The following ZNF534 variants were observed in gnomAD, a reference collection of about 807,000 sequenced individuals.
ZNF534 encodes KRAB domain only 3.
ZNF534 carries 19 observed loss-of-function variants against 13.6 expected under a neutral mutation model. The ratio of observed to expected loss-of-function variants is 1.40; its 90% confidence interval spans 0.97 to 2.05. The LOEUF (loss-of-function observed/expected upper bound fraction) is 2.05, where lower values mean the gene tolerates loss of function less well. ZNF534 is among the 30% of genes most tolerant of loss of function. ZNF534 has a pLI of 0.00. For missense variants in ZNF534, 782 were observed against 796.3 expected (o/e 0.98, Z 0.22); for synonymous variants, 244 against 273.8 (o/e 0.89, Z 1.07).
At chr19:52,451,444 G>T in exon 5 of ZNF534, 1 of 616,604 alleles carries the variant, frequency 1.6e-6, no homozygotes, top group South Asian at 1.9e-5. Context: ...GGCGCCGCAC[G>T]CCCCGGACGC....
At chr19:52,431,741 G>T (rs1056398554) in intron 2 of ZNF534, among the ~76,000 whole-genome samples, 7 of 152,106 alleles carry the variant, frequency 4.6e-5, no homozygotes, top group Non-Finnish European at 1.5e-5. Flanking sequence ...ATGGAGATGG[G>T]GTGTGGGCCT....
At chr19:52,429,801 G>A (rs2059075031) in intron 1 of ZNF534, among the ~76,000 whole-genome samples, 1 of 151,808 alleles carries the variant, frequency 6.6e-6, no homozygotes, top group Admixed American at 6.6e-5. Flanking sequence ...CACCATGTTG[G>A]CCAGGCTGGT....
At chr19:52,433,522 G>A (rs528872506) in intron 2 of ZNF534, among the ~76,000 whole-genome samples, 24 of 151,932 alleles carry the variant, frequency 1.6e-4, no homozygotes, top group South Asian at 8.3e-4. Context: ...CCCCACCACC[G>A]CGCCTGGCTA....
chr19:52,434,244 C>G (rs1351146077), intron 3 of ZNF534, 163 bp downstream of exon 3: 13 of 1,043,990 alleles, frequency 1.2e-5, no homozygotes, highest in Non-Finnish European at 1.6e-5. Context: ...GCCTGTAATC[C>G]CAGCACTTTG....
In ZNF534 at chr19:52,433,849, G is replaced by T. The variant is rs763170191; in HGVS notation, c.16-106G>T. The T allele has an allele frequency of 1.9e-5, 25 of 1,284,636 alleles. No homozygotes were observed. In the African/African-American group the frequency reaches 2.9e-4, roughly 15 times the overall value. The allele number at this position is 1,284,636 out of a possible 1,614,324, so 79.6% of individuals were successfully genotyped here. A position where few individuals can be genotyped will look rare whatever the true frequency, so the allele number is the denominator to read the frequency against. On this transcript the variant is annotated intron_variant, in intron 2 of 4. Transcript: ENST00000433050. ...AAGAATCCTTTAATGTGGATTTGGC[G>T]CAGTGCTCGCTTCAGTGGAGTGAGT...
At chr19:52,435,290 G>C in intron 4 of ZNF534, 81 bp downstream of exon 4, 2 of 1,442,546 alleles carry the variant, frequency 1.4e-6, no homozygotes, top group Non-Finnish European at 1.9e-6. Context: ...CCAGGCTGGA[G>C]TACAGTGGCA....
At chr19:52,442,632 A>G (rs2059180357), downstream of ZNF534, among the ~76,000 whole-genome samples, 1 of 152,160 alleles carries the variant, frequency 6.6e-6, no homozygotes, top group African/African-American at 2.4e-5. Context: ...CTCAGCAGAA[A>G]GCTACTTTCC....
At chr19:52,446,693 A>G (rs2059195666), downstream of ZNF534, among the ~76,000 whole-genome samples, 1 of 152,156 alleles carries the variant, frequency 6.6e-6, no homozygotes, top group Admixed American at 6.5e-5. Context: ...CCTCATCTCT[A>G]CTAAAAATTA....
downstream of ZNF534, among the ~76,000 whole-genome samples, chr19:52,445,061 A>T (rs2122720482): frequency 6.6e-6 from 1 of 152,246 alleles, no homozygotes; most frequent in Non-Finnish European, 1.5e-5. Flanking sequence ...GTTCAACTGG[A>T]GGTTTCCTTC....
rs143033844 is a variant in ZNF534, at chr19:52,436,438, G to C, written c.271+1229G>C. ...TTATGTCCCTGTGTGAATGTCTTTGGGCTAATTTTAGTAATGGTCAAGCTT... is the reference window on the plus strand; with the variant it reads ...TTATGTCCCTGTGTGAATGTCTTTGCGCTAATTTTAGTAATGGTCAAGCTT... On this transcript the variant is annotated intron_variant, in intron 4 of 4. Coordinates refer to ENST00000433050, the MANE Select transcript of ZNF534 (RefSeq NM_001143938.3). Among the ~76,000 whole-genome samples the C allele has an allele frequency of 3.2e-3, 483 of 152,052 alleles. 7 individuals carry two copies. The East Asian group carries it at 0.032, about 10-fold the overall frequency.
chr19:52,431,471 A>G lies in ZNF534; in HGVS notation c.-4A>G, dbSNP rs775616238. On this transcript the variant is annotated 5_prime_UTR_variant, in exon 2 of 5. Coordinates refer to ENST00000433050, the MANE Select transcript of ZNF534 (RefSeq NM_001143938.3). ...CTCGGAAGAGGAAAGAAAGGAAGTC[A>G]GGAATGGCCCTTACTCAGGTAAGGT... 4 of 1,614,134 alleles carry G rather than the reference A, an allele frequency of 2.5e-6. No homozygotes were observed. The highest frequency in any genetic ancestry group is 3.4e-6 in the Non-Finnish European group (4 of 1,179,964).
Position 52,438,129 on chromosome 19 carries a change from T to C in ZNF534, c.669T>C (p.Phe223=), listed in dbSNP as rs769394176. 4 of 1,614,088 alleles carry C rather than the reference T, an allele frequency of 2.5e-6. No individual in the cohort carries two copies. The highest frequency in any genetic ancestry group is 1.1e-5 in the South Asian group (1 of 91,084). The part of the protein sequence containing the change: ...TYKCSDCGEI[F]SSNSNFAQHQ... ...AATGTAGTGACTGTGGCGAGATCTT[T>C]AGTAGCAATTCAAACTTTGCACAAC... Residue 223 remains phenylalanine (F), a synonymous_variant, in exon 5 of 5, where the codon TTT becomes TTC. Coordinates refer to ENST00000433050, the MANE Select transcript of ZNF534 (RefSeq NM_001143938.3).
chr19:52,441,896 T>G lies in ZNF534; in HGVS notation c.*2450T>G, dbSNP rs1033086029. 1.3e-5 allele frequency among the ~76,000 whole-genome samples: 2 copies of G among 152,248 alleles called. No individual in the cohort carries two copies. Among genetic ancestry groups the G allele is most frequent in the Admixed American group, 1.3e-4 (2 of 15,288 alleles). On this transcript the variant is annotated 3_prime_UTR_variant, in exon 5 of 5. Transcript: ENST00000433050. ...ACCTTGGACAGCATCAGATAATTTATTCATGAAAGAGTCCTTACAAGCTGT... is the reference window on the plus strand; with the variant it reads ...ACCTTGGACAGCATCAGATAATTTAGTCATGAAAGAGTCCTTACAAGCTGT...
chr19:52,434,834 T>C (rs879416970), intron 3 of ZNF534, among the ~76,000 whole-genome samples: 2 of 152,208 alleles, frequency 1.3e-5, no homozygotes, highest in Non-Finnish European at 2.9e-5. Flanking sequence ...TGAAACCTTA[T>C]GACAGACTTA....
Position 52,441,682 on chromosome 19 carries a change from C to T in ZNF534, c.*2236C>T, listed in dbSNP as rs2059173449. Among the ~76,000 whole-genome samples, 1 of 152,192 alleles carries T rather than the reference C, an allele frequency of 6.6e-6. No homozygotes were observed. Among genetic ancestry groups the T allele is most frequent in the Admixed American group, 6.5e-5 (1 of 15,272 alleles). The stretch of plus-strand genomic sequence containing the variant: ...CTTGTAATCCATACTGCAGACAAAC[C>T]TTACAACTGTAATGAATGTGGCAAG... On this transcript the variant is annotated 3_prime_UTR_variant, in exon 5 of 5. Coordinates refer to ENST00000433050, the MANE Select transcript of ZNF534 (RefSeq NM_001143938.3).
At chr19:52,432,664 G>A (rs997313401) in intron 2 of ZNF534, among the ~76,000 whole-genome samples, 2 of 150,190 alleles carry the variant, frequency 1.3e-5, no homozygotes, top group Non-Finnish European at 3.0e-5. Flanking sequence ...ACAGGGTCTC[G>A]CCCTGTCACC....
chr19:52,435,273 C>T, intron 4 of ZNF534, 64 bp downstream of exon 4: 1 of 1,517,116 alleles, frequency 6.6e-7, no homozygotes. Context: ...GGGTCTCACT[C>T]TGTCATCCAG....
rs372365866 is a variant in ZNF534, at chr19:52,438,392, C to T, written c.932C>T (p.Ser311Phe). ...SECGKAFSVC[S>F]SLTAHLVIHT... The stretch of plus-strand genomic sequence containing the variant: ...TGTGGCAAAGCATTTAGTGTGTGTT[C>T]CAGTCTTACTGCTCATCTTGTAATC... The change falls in exon 5 of 5, where the codon TCC (serine) becomes TTC (phenylalanine). Residue 311 changes from serine (S) to phenylalanine (F), a missense_variant. This residue lies in a region of ZNF534 where 591 missense variants were observed against 574.0 expected (regional missense o/e 1.03). Transcript: ENST00000433050. The T allele has an allele frequency of 1.3e-5, 21 of 1,613,404 alleles. No homozygotes were observed. In the African/African-American group the frequency reaches 2.8e-4, roughly 22 times the overall value.
chr19:52,435,317 G>A lies in ZNF534; in HGVS notation c.271+108G>A, dbSNP rs1254748171. On this transcript the variant is annotated intron_variant, in intron 4 of 4. Coordinates refer to ENST00000433050, the MANE Select transcript of ZNF534 (RefSeq NM_001143938.3). ...ACAGTGGCAATCATAGCTCACAGCA[G>A]CCTTAAACTCCTGGACTTAAGGGAT... 11 of 1,278,456 alleles carry A rather than the reference G, an allele frequency of 8.6e-6. No homozygotes were observed. In the East Asian group the frequency reaches 2.8e-4, roughly 32 times the overall value. The allele number at this position is 1,278,456 out of a possible 1,614,324, so 79.2% of individuals were successfully genotyped here. A position where few individuals can be genotyped will look rare whatever the true frequency, so the allele number is the denominator to read the frequency against.
Sources: gnomAD v4.1 joint callset for allele counts (sites outside exome capture counted in the v4.1 genomes callset) on GRCh38, gnomAD v4.1.1 for gene constraint, gnomAD v4.1.1 regional missense constraint, MANE v1.5 for transcripts, NCBI Gene and HGNC (gene_info 2026-07-23, HGNC 2026-07-21) for gene names.